ATP2A1: variants seen among roughly 807,000 people sequenced by gnomAD.
The protein encoded by ATP2A1 is ATPase sarcoplasmic/endoplasmic reticulum Ca2+ transporting 1.
In ATP2A1, 83 loss-of-function variants were observed where a neutral mutation model predicts 109.5. That is an observed-to-expected ratio of 0.76 (90% CI 0.63 to 0.91). The LOEUF (loss-of-function observed/expected upper bound fraction) is 0.91, where lower values mean the gene tolerates loss of function less well. Ranked by LOEUF, ATP2A1 falls within the 40% of genes least tolerant of loss-of-function variation. The pLI, the probability that ATP2A1 is intolerant of heterozygous loss-of-function variation, is 0.00. For synonymous variants in ATP2A1, 505 were observed against 537.6 expected (o/e 0.94, Z 0.84); for missense variants, 1,101 against 1,341.0 (o/e 0.82, Z 2.80).
chr16:28,902,419 C>G lies in ATP2A1; in HGVS notation c.2524+33C>G. 1 of 1,609,416 alleles carries G rather than the reference C, an allele frequency of 6.2e-7. No homozygotes were observed. The highest frequency in any genetic ancestry group is 1.3e-5 in the African/African-American group (1 of 74,920). On this transcript the variant is annotated intron_variant, in intron 17 of 22. Transcript: ENST00000395503. The surrounding 1 kb of genome is among the most constrained non-coding windows in gnomAD (Gnocchi z 4.8). ...GGAGGGGTTCCTCGATCCTCCCCACCCCTTGGGACTAACCCCCTCTCTGGG... is the reference window on the plus strand; with the variant it reads ...GGAGGGGTTCCTCGATCCTCCCCACGCCTTGGGACTAACCCCCTCTCTGGG...
rs7500623 is a variant in ATP2A1 at position 28,880,026 on chromosome 16, G to A, written c.219+443G>A. Reference sequence around the variant, plus strand: ...AGCCTCCTGACGCTGATTGGTCGAGGGGAGGACTCGCTCCTAGTGGCGGGA... The same window carrying A: ...AGCCTCCTGACGCTGATTGGTCGAGAGGAGGACTCGCTCCTAGTGGCGGGA... On this transcript the variant is annotated intron_variant, in intron 3 of 22. Transcript: ENST00000395503. The surrounding 1 kb of genome is among the most constrained non-coding windows in gnomAD (Gnocchi z 4.2). The A allele has an allele frequency of 0.011, 11,401 of 1,010,502 alleles. 1,013 individuals are homozygous for A. The African/African-American group carries it at 0.18, about 16-fold the overall frequency. The allele number at this position is 1,010,502 out of a possible 1,614,324, so 62.6% of individuals were successfully genotyped here.
chr16:28,902,326 CGGAGCCCCAA>C lies in ATP2A1; in HGVS notation c.2473_2482del (p.Lys825SerfsTer43). On this transcript the variant is annotated frameshift_variant, in exon 17 of 23. Coordinates refer to ENST00000395503, the MANE Select transcript of ATP2A1 (RefSeq NM_004320.6). LOFTEE classifies it high-confidence loss of function. This position sits in a 1 kb window ranked among gnomAD's most constrained non-coding sequence, Gnocchi z 4.8. ...CCTGGACATCATGGACCGCCCCCCCCGGAGCCCCAAGGAGCCCCTCATCAGTGGCTGGCTC... is the reference window on the plus strand; with the variant it reads ...CCTGGACATCATGGACCGCCCCCCCCGGAGCCCCTCATCAGTGGCTGGCTC... The C allele has an allele frequency of 2.5e-6, 4 of 1,614,152 alleles. No homozygotes were observed. The highest frequency in any genetic ancestry group is 3.4e-6 in the Non-Finnish European group (4 of 1,180,006).
chr16:28,887,280 C>T lies in ATP2A1; in HGVS notation c.630+6C>T, dbSNP rs1232347984. The T allele has an allele frequency of 1.5e-5, 25 of 1,614,044 alleles. No individual in the cohort carries two copies. The highest frequency in any genetic ancestry group is 2.1e-5 in the Non-Finnish European group (25 of 1,179,982). On this transcript the variant is annotated splice_donor_region_variant and intron_variant, in intron 7 of 22. Coordinates refer to ENST00000395503, the MANE Select transcript of ATP2A1 (RefSeq NM_004320.6). Reference sequence around the variant, plus strand: ...AGAAGAACATGCTTTTCTCGGTGAGCAATCCGGGACCAGCCATCACACACT... The same window carrying T: ...AGAAGAACATGCTTTTCTCGGTGAGTAATCCGGGACCAGCCATCACACACT...
rs58632114 is a variant in ATP2A1 at position 28,879,936 on chromosome 16, T to G, written c.219+353T>G. Reference sequence around the variant, plus strand: ...CGGGGGGCCACTGCCACTCCCGGCATGCGCCGGGCGGACGGCCGCTCCACC... The same window carrying G: ...CGGGGGGCCACTGCCACTCCCGGCAGGCGCCGGGCGGACGGCCGCTCCACC... On this transcript the variant is annotated intron_variant, in intron 3 of 22. Coordinates refer to ENST00000395503, the MANE Select transcript of ATP2A1 (RefSeq NM_004320.6). 10,083 of 950,250 alleles carry G rather than the reference T, an allele frequency of 0.011. 381 individuals carry two copies. In the East Asian group the frequency reaches 0.19, roughly 18 times the overall value. The allele number at this position is 950,250 out of a possible 1,614,324, so 58.9% of individuals were successfully genotyped here.
intron 14 of ATP2A1, among the ~76,000 whole-genome samples, chr16:28,899,518 A>G (rs1964006074): frequency 6.6e-6 from 1 of 151,962 alleles, no homozygotes; most frequent in East Asian, 1.9e-4. Flanking sequence ...GGGCACCTGT[A>G]ATCCCAGCTA....
chr16:28,879,070 T>C (rs1217446022), intron 1 of ATP2A1, 29 bp from the exon 2 acceptor site: 1 of 1,613,782 alleles, frequency 6.2e-7, no homozygotes, highest in Non-Finnish European at 8.5e-7. Flanking sequence ...CCCAAATGAA[T>C]CTGTCCTTTT....
At chr16:28,879,878 G>C in intron 3 of ATP2A1, 1 of 607,314 alleles carries the variant, frequency 1.6e-6, no homozygotes, top group Non-Finnish European at 2.3e-6. Context: ...CGAACTCCGG[G>C]CTCCGGGTCC....
intron 12 of ATP2A1, among the ~76,000 whole-genome samples, 166 bp downstream of exon 12, chr16:28,895,119 A>C: frequency 6.6e-6 from 1 of 152,212 alleles, no homozygotes; most frequent in East Asian, 1.9e-4. Flanking sequence ...GGTGGGACCC[A>C]TTGTCCCTGG....
chr16:28,901,328 C>CAAAAAA (rs768320423), intron 15 of ATP2A1, among the ~76,000 whole-genome samples: 2 of 55,922 alleles, frequency 3.6e-5, no homozygotes, highest in African/African-American at 1.2e-4. Context: ...GACCCTGTCT[C>CAAAAAA]AAAAAAAAAA....
rs1963970432 is a variant in ATP2A1, at chr16:28,898,196, A to G, written c.1546-37A>G. On this transcript the variant is annotated intron_variant, in intron 13 of 22. Coordinates refer to ENST00000395503, the MANE Select transcript of ATP2A1 (RefSeq NM_004320.6). The surrounding 1 kb of genome is among the most constrained non-coding windows in gnomAD (Gnocchi z 4.0). ...AGCCACCTGTCACTGCCCTGGAAGG[A>G]AAGTGGTGGTCTCTGAATGCTGTTC... 6.2e-7 allele frequency: 1 copy of G among 1,613,946 alleles called. No individual in the cohort carries two copies. The highest frequency in any genetic ancestry group is 1.3e-5 in the African/African-American group (1 of 74,916).
At chr16:28,891,725 A>G (rs1283824197) in intron 9 of ATP2A1, among the ~76,000 whole-genome samples, 2 of 150,436 alleles carry the variant, frequency 1.3e-5, no homozygotes, top group Admixed American at 6.6e-5. Flanking sequence ...TAAAAATACA[A>G]AAAATTAGCC....
chr16:28,883,164 G>A lies in ATP2A1; in HGVS notation c.463+575G>A, dbSNP rs1028474171. On this transcript the variant is annotated intron_variant, in intron 5 of 22. Transcript: ENST00000395503. The surrounding 1 kb of genome is among the most constrained non-coding windows in gnomAD (Gnocchi z 5.2). Reference sequence around the variant, plus strand: ...GCCTGGCCAGGGAGGGGTGGGGGCCGGGTGGCTAAGATTACTGGGATTCTG... The same window carrying A: ...GCCTGGCCAGGGAGGGGTGGGGGCCAGGTGGCTAAGATTACTGGGATTCTG... Among the ~76,000 whole-genome samples, 9 of 152,328 alleles carry A rather than the reference G, an allele frequency of 5.9e-5. No homozygotes were observed. The highest frequency in any genetic ancestry group is 2.0e-4 in the Admixed American group (3 of 15,306).
rs1357440605 is a variant in ATP2A1, at chr16:28,899,565, G to A, written c.1765-1016G>A. Among the ~76,000 whole-genome samples, 3 of 150,458 alleles carry A rather than the reference G, an allele frequency of 2.0e-5. No homozygotes were observed. In the South Asian group the frequency reaches 6.3e-4, roughly 32 times the overall value. ...GAGGCAGGAGAATCGCTTGAACCTG[G>A]GAGGCGGAGGTTGCAGTGAGCAGAG... is the stretch of plus-strand genomic sequence containing the variant. On this transcript the variant is annotated intron_variant, in intron 14 of 22. Coordinates refer to ENST00000395503, the MANE Select transcript of ATP2A1 (RefSeq NM_004320.6).
chr16:28,892,946 AG>A (rs1963814024), intron 9 of ATP2A1, among the ~76,000 whole-genome samples: 1 of 152,004 alleles, frequency 6.6e-6, no homozygotes, highest in Admixed American at 6.6e-5. Flanking sequence ...CTGGAGGCTG[AG>A]GCAGGAGAAT....
At chr16:28,896,847 C>T (rs557669852) in intron 12 of ATP2A1, among the ~76,000 whole-genome samples, 1 of 151,710 alleles carries the variant, frequency 6.6e-6, no homozygotes, top group African/African-American at 2.4e-5. Flanking sequence ...GCACGTGCCA[C>T]CACGCCTGGC....
intron 4 of ATP2A1, 51 bp downstream of exon 4, chr16:28,881,070 G>A: frequency 1.3e-6 from 2 of 1,554,240 alleles, no homozygotes; most frequent in South Asian, 2.2e-5. Flanking sequence ...TGAAGAAGAG[G>A]CCAACCCTCC....
intron 10 of ATP2A1, 81 bp from the exon 11 acceptor site, chr16:28,894,424 C>T: frequency 7.1e-7 from 1 of 1,414,706 alleles, no homozygotes; most frequent in Non-Finnish European, 9.8e-7. Flanking sequence ...CTGCTGCCTG[C>T]TCTTCCTGTG....
At chr16:28,886,201 G>A (rs1394739970) in intron 6 of ATP2A1, among the ~76,000 whole-genome samples, 1 of 152,042 alleles carries the variant, frequency 6.6e-6, no homozygotes, top group Non-Finnish European at 1.5e-5. Flanking sequence ...GCTGGGCATT[G>A]TACTGCACAC....
At chr16:28,889,296 G>T (rs768113950) in intron 9 of ATP2A1, among the ~76,000 whole-genome samples, 1 of 151,820 alleles carries the variant, frequency 6.6e-6, no homozygotes, top group Admixed American at 6.6e-5. Flanking sequence ...TCACTCTGTC[G>T]CCCAGGCTGG....
Sources: allele counts gnomAD v4.1 joint callset (sites outside exome capture counted in the v4.1 genomes callset), GRCh38; gene constraint gnomAD v4.1.1; non-coding constraint Gnocchi (gnomAD v3.1); transcripts MANE v1.5; gene names NCBI Gene and HGNC (gene_info 2026-07-23, HGNC 2026-07-21).